The following CFAP47 variants were observed in gnomAD, a reference collection of about 807,000 sequenced individuals.
The protein encoded by CFAP47 is cilia- and flagella-associated protein 47.
In CFAP47, 29 loss-of-function variants were observed where a neutral mutation model predicts 148.1. That is an observed-to-expected ratio of 0.20 (90% CI 0.15 to 0.27). The LOEUF is 0.27. Ranked by LOEUF, CFAP47 falls within the 10% of genes least tolerant of loss-of-function variation. The pLI is 1.00. For missense variants in CFAP47, 1,872 were observed against 1,697.5 expected (o/e 1.10, Z -1.81); for synonymous variants, 664 against 577.3 (o/e 1.15, Z -2.15).
At chrX:35,988,610 T>C (rs1936749283) in intron 15 of CFAP47, among the ~76,000 whole-genome samples, 1 of 112,036 alleles carries the variant, frequency 8.9e-6, no homozygotes, top group Admixed American at 9.5e-5. Flanking sequence ...TTGATTTCTT[T>C]CATTCCGTAT....
intron 35 of CFAP47, among the ~76,000 whole-genome samples, chrX:36,142,477 G>A (rs941203147): frequency 9.0e-6 from 1 of 111,214 alleles, no homozygotes; most frequent in Non-Finnish European, 1.9e-5. Flanking sequence ...TCTATGTAGC[G>A]AAAATAATGA....
chrX:36,297,093 A>T (rs1556006966), intron 51 of CFAP47, among the ~76,000 whole-genome samples: 1 of 111,896 alleles, frequency 8.9e-6, no homozygotes, highest in Non-Finnish European at 1.9e-5. Flanking sequence ...ATCAACACTG[A>T]TTTCTAATAA....
chrX:35,998,216 G>C (rs936980440), intron 19 of CFAP47, among the ~76,000 whole-genome samples: 4 of 111,165 alleles, frequency 3.6e-5, no homozygotes, highest in African/African-American at 1.3e-4. Context: ...TTCTGAACTA[G>C]AATCACATTT....
intron 57 of CFAP47, among the ~76,000 whole-genome samples, chrX:36,330,360 T>G (rs1434260594): frequency 2.7e-5 from 3 of 112,040 alleles, no homozygotes; most frequent in Non-Finnish European, 5.6e-5. Context: ...GATTAAGGAC[T>G]GCTCTATATA....
At chrX:36,253,231 C>A (rs2146924521) in intron 49 of CFAP47, among the ~76,000 whole-genome samples, 1 of 111,925 alleles carries the variant, frequency 8.9e-6, no homozygotes, top group East Asian at 2.8e-4. Flanking sequence ...TCTGGCTATA[C>A]AAACCATTTT....
At chrX:36,209,464 T>C (rs1305413473) in intron 45 of CFAP47, among the ~76,000 whole-genome samples, 1 of 111,499 alleles carries the variant, frequency 9.0e-6, no homozygotes, top group African/African-American at 3.3e-5. Flanking sequence ...ATATACTACA[T>C]TTAAATCTTA....
At chrX:36,004,348 A>T (rs1473951143) in intron 21 of CFAP47, among the ~76,000 whole-genome samples, 1 of 111,031 alleles carries the variant, frequency 9.0e-6, no homozygotes, top group African/African-American at 3.3e-5. Flanking sequence ...TTAATTCACA[A>T]TTGCTACAAA....
rs1569329845 is a variant in CFAP47, at chrX:36,371,919, T to TATACACAC, written c.9185+4794_9185+4795insACACACAT. Among the ~76,000 whole-genome samples the TATACACAC allele has an allele frequency of 1.3e-3, 70 of 55,334 alleles. 1 individual carries two copies. Among genetic ancestry groups the TATACACAC allele is most frequent in the South Asian group, 4.4e-3 (5 of 1,148 alleles). The allele number at this position is 55,334 out of a possible 115,157, so 48.1% of individuals were successfully genotyped here. The stretch of plus-strand genomic sequence containing the variant: ...ACACATGTGTATATATGTGTGTATA[T>TATACACAC]ATGTGTATATACACACATGTGTATA... On this transcript the variant is annotated intron_variant, in intron 62 of 63. Coordinates refer to ENST00000378653, the MANE Select transcript of CFAP47 (RefSeq NM_001304548.2).
intron 39 of CFAP47, among the ~76,000 whole-genome samples, chrX:36,168,674 G>A (rs1026366174): frequency 1.3e-4 from 15 of 111,683 alleles, no homozygotes; most frequent in South Asian, 3.7e-4. Flanking sequence ...CTATCCTGCC[G>A]CCTCTGCCTC....
chrX:36,192,868 G>T (rs1030984161), intron 42 of CFAP47, among the ~76,000 whole-genome samples: 3 of 111,914 alleles, frequency 2.7e-5, no homozygotes, highest in Non-Finnish European at 5.6e-5. Context: ...CCACACCAGG[G>T]TGCCATATAC....
chrX:36,128,443 A>C (rs1372728526), intron 33 of CFAP47, among the ~76,000 whole-genome samples: 2 of 110,775 alleles, frequency 1.8e-5, no homozygotes, highest in African/African-American at 6.5e-5. Context: ...AGGATTTAAA[A>C]CCTATTCTAC....
At chrX:35,983,042 T>C (rs1335514528) in intron 15 of CFAP47, among the ~76,000 whole-genome samples, 2 of 111,795 alleles carry the variant, frequency 1.8e-5, no homozygotes, top group Non-Finnish European at 3.8e-5. Flanking sequence ...GTACATTGCT[T>C]TGGTCATTTT....
At chrX:36,280,783 A>G (rs782054851) in intron 50 of CFAP47, among the ~76,000 whole-genome samples, 153 bp downstream of exon 50, 1 of 112,318 alleles carries the variant, frequency 8.9e-6, no homozygotes, top group Admixed American at 9.5e-5. Context: ...TATTAACTAT[A>G]TGTAGCATAT....
chrX:36,102,716 A>G (rs981424518), intron 32 of CFAP47, among the ~76,000 whole-genome samples: 1 of 111,726 alleles, frequency 9.0e-6, no homozygotes, highest in African/African-American at 3.3e-5. Flanking sequence ...CATCAGCTGT[A>G]CTCAAGTAAT....
chrX:36,361,518 C>A lies in CFAP47; in HGVS notation c.9023+17C>A. On this transcript the variant is annotated intron_variant, in intron 61 of 63. Coordinates refer to ENST00000378653, the MANE Select transcript of CFAP47 (RefSeq NM_001304548.2). ...ACCATTAAGGTAAATCTACTTTCCT[C>A]TTTTTTATTTAAACAATAGTATTAC... 4.7e-6 allele frequency: 4 copies of A among 853,706 alleles called. No homozygotes were observed. Among genetic ancestry groups the A allele is most frequent in the Non-Finnish European group, 6.4e-6 (4 of 625,696 alleles). 70.4% of individuals were successfully genotyped at this position (853,706 alleles called of 1,213,427 possible).
At chrX:36,030,508 C>T (rs1937268068) in intron 22 of CFAP47, among the ~76,000 whole-genome samples, 1 of 111,018 alleles carries the variant, frequency 9.0e-6, no homozygotes, top group Non-Finnish European at 1.9e-5. Context: ...AGGATGAACA[C>T]TATCCATAAC....
chrX:35,972,052 A>T, intron 13 of CFAP47, 87 bp downstream of exon 13: 9 of 610,369 alleles, frequency 1.5e-5, no homozygotes, highest in African/African-American at 2.3e-5. Flanking sequence ...CATAAAATTT[A>T]AAGTATGCAA....
intron 2 of CFAP47, among the ~76,000 whole-genome samples, chrX:35,938,418 G>A (rs1026149210): frequency 9.0e-6 from 1 of 110,878 alleles, no homozygotes; most frequent in Non-Finnish European, 1.9e-5. Flanking sequence ...ATAAATCCAT[G>A]CATATTTTTA....
rs761346987 is a variant in CFAP47, at chrX:36,071,887, C to T, written c.4381C>T (p.Pro1461Ser). 5.0e-6 allele frequency: 6 copies of T among 1,203,756 alleles called. No homozygotes were observed. In the South Asian group the frequency reaches 1.1e-4, roughly 21 times the overall value. ...TTTGCCTCCCTACCAGGATGCTAAA[C>T]CACCCTCTCCTGCTTCAATTAAAAA... ...GVLPPYQDAK[P>S]PSPASIKKTY... The change falls in exon 28 of 64, where the codon CCA becomes TCA. Residue 1461 changes from proline (P) to serine (S), a missense_variant. Physicochemically the swap from Pro to Ser is moderately conservative, Grantham distance 74. Transcript: ENST00000378653.
Sources: gnomAD v4.1 joint callset for allele counts (sites outside exome capture counted in the v4.1 genomes callset) on GRCh38, gnomAD v4.1.1 for gene constraint, MANE v1.5 for transcripts, NCBI Gene and HGNC (gene_info 2026-07-23, HGNC 2026-07-21) for gene names.